SPHKAP: variants seen among roughly 807,000 people sequenced by gnomAD.
SPHKAP encodes the protein SPHK1 interactor, AKAP domain containing, also known as A-kinase anchor protein SPHKAP.
SPHKAP carries 67 observed loss-of-function variants against 137.5 expected under a neutral mutation model. The observed-to-expected ratio is 0.49, with a 90% CI of 0.40 to 0.60. The LOEUF is 0.60. Among genes scored for constraint, SPHKAP ranks in the 20% least tolerant of loss-of-function variants. The pLI, the probability that SPHKAP is intolerant of heterozygous loss-of-function variation, is 0.00. For missense variants in SPHKAP, 2,097 were observed against 2,069.3 expected, an observed-to-expected ratio of 1.01 and a Z score of -0.26; for synonymous variants, 813 against 785.3, an observed-to-expected ratio of 1.04 and a Z score of -0.59.
intron 3 of SPHKAP, among the ~76,000 whole-genome samples, chr2:228,106,044 A>G (rs1045631359): frequency 5.9e-5 from 9 of 152,116 alleles, no homozygotes; most frequent in Non-Finnish European, 1.2e-4. Context: ...GCTCTTCACT[A>G]AGACTTCTTA....
chr2:228,020,574 G>T (rs1310700828), intron 6 of SPHKAP, among the ~76,000 whole-genome samples: 2 of 152,098 alleles, frequency 1.3e-5, no homozygotes, highest in Non-Finnish European at 2.9e-5. Flanking sequence ...GTTGTTGGCG[G>T]GGGGAGTGGG....
chr2:228,058,404 A>T (rs573347801), intron 3 of SPHKAP, among the ~76,000 whole-genome samples: 6 of 152,296 alleles, frequency 3.9e-5, no homozygotes, highest in African/African-American at 1.2e-4. Context: ...TTGAATCCTC[A>T]TCACTTCCAG....
chr2:228,103,092 A>G, intron 3 of SPHKAP, among the ~76,000 whole-genome samples: 1 of 152,062 alleles, frequency 6.6e-6, no homozygotes, highest in East Asian at 1.9e-4. Context: ...TGTTTCTTCC[A>G]CACAACCTTC....
At chr2:228,025,274 A>G in intron 5 of SPHKAP, 120 bp downstream of exon 5, 6 of 1,098,432 alleles carry the variant, frequency 5.5e-6, no homozygotes, top group Non-Finnish European at 7.4e-6. Flanking sequence ...TCAAATATAA[A>G]GACACTTTGA....
At chr2:228,095,647 T>A (rs1416634722) in intron 3 of SPHKAP, among the ~76,000 whole-genome samples, 1 of 151,864 alleles carries the variant, frequency 6.6e-6, no homozygotes, top group African/African-American at 2.4e-5. Context: ...ACTTTTTAAT[T>A]TTTTTTTAAT....
chr2:228,013,677 G>A lies in SPHKAP; in HGVS notation c.4448+2729C>T, dbSNP rs571400506. Among the ~76,000 whole-genome samples the A allele has an allele frequency of 3.3e-5, 5 of 152,290 alleles. No individual in the cohort carries two copies. In the South Asian group the frequency reaches 1.0e-3, roughly 32 times the overall value. On this transcript the variant is annotated intron_variant, in intron 7 of 11. Transcript: ENST00000392056. The stretch of plus-strand genomic sequence containing the variant: ...CGAGGCCCTGAGTTGAGAGATTTAT[G>A]TGCATTTCCTTATTAAAACCTTAAA...
At chr2:227,988,783 G>A (rs1693305083) in intron 11 of SPHKAP, among the ~76,000 whole-genome samples, 1 of 152,180 alleles carries the variant, frequency 6.6e-6, no homozygotes, top group Admixed American at 6.5e-5. Flanking sequence ...TGGCATGGGG[G>A]TAGGGTCACA....
At chr2:228,021,140 T>C (rs1559352543) in intron 6 of SPHKAP, among the ~76,000 whole-genome samples, 1 of 152,238 alleles carries the variant, frequency 6.6e-6, no homozygotes, top group Non-Finnish European at 1.5e-5. Flanking sequence ...CATTGAGCTC[T>C]GTGAATGGGT....
intron 7 of SPHKAP, among the ~76,000 whole-genome samples, chr2:228,011,439 A>G: frequency 6.6e-6 from 1 of 152,250 alleles, no homozygotes. Flanking sequence ...CTCAAGGGCA[A>G]GCACAGAGTC....
chr2:228,164,731 G>A (rs1032896366), intron 1 of SPHKAP, among the ~76,000 whole-genome samples: 22 of 152,098 alleles, frequency 1.4e-4, no homozygotes, highest in African/African-American at 5.1e-4. Flanking sequence ...CTGTACTTCA[G>A]GCACACACCT....
intron 3 of SPHKAP, among the ~76,000 whole-genome samples, chr2:228,104,129 T>C (rs1698260061): frequency 6.7e-6 from 1 of 150,164 alleles, no homozygotes; most frequent in Non-Finnish European, 1.5e-5. Flanking sequence ...ACTAACAGCT[T>C]CTTGAAAACT....
intron 1 of SPHKAP, among the ~76,000 whole-genome samples, chr2:228,175,103 AT>A (rs1187582849): frequency 1.3e-5 from 2 of 152,052 alleles, no homozygotes; most frequent in African/African-American, 4.8e-5. Context: ...TGCAATTAAA[AT>A]TCTAGAAGGA....
chr2:228,167,980 T>C (rs1700469438), intron 1 of SPHKAP, among the ~76,000 whole-genome samples: 1 of 152,154 alleles, frequency 6.6e-6, no homozygotes, highest in South Asian at 2.1e-4. Context: ...TACACTGATA[T>C]ATATGCACAC....
Position 228,068,793 on chromosome 2 carries a change from G to A in SPHKAP, c.246+40039C>T, listed in dbSNP as rs1156750204. 2.0e-5 allele frequency among the ~76,000 whole-genome samples: 3 copies of A among 152,164 alleles called. No individual in the cohort carries two copies. In the East Asian group the frequency reaches 5.8e-4, roughly 29 times the overall value. On this transcript the variant is annotated intron_variant, in intron 3 of 11. Coordinates refer to ENST00000392056, the MANE Select transcript of SPHKAP (RefSeq NM_001142644.2). The stretch of plus-strand genomic sequence containing the variant: ...ATTATTTCTTTTGTTTTAGCTCCCA[G>A]ACTACAAAATTGAATCTCCATAGCA...
chr2:227,981,645 G>A lies in SPHKAP; in HGVS notation c.*72C>T, dbSNP rs143598734. ...ATGTGATGTTTTGAGAATGTTTAGAGCATTTAGAACAAACCACTGTAATCT... is the reference window on the plus strand; with the variant it reads ...ATGTGATGTTTTGAGAATGTTTAGAACATTTAGAACAAACCACTGTAATCT... On this transcript the variant is annotated 3_prime_UTR_variant, in exon 12 of 12. Coordinates refer to ENST00000392056, the MANE Select transcript of SPHKAP (RefSeq NM_001142644.2). 9.2e-6 allele frequency: 14 copies of A among 1,514,808 alleles called. No individual in the cohort carries two copies. The highest frequency in any genetic ancestry group is 1.2e-5 in the Non-Finnish European group (14 of 1,128,478). 93.8% of individuals were successfully genotyped at this position (1,514,808 alleles called of 1,614,324 possible).
At position 228,017,093 on chromosome 2, in the gene SPHKAP, G is replaced by A; in HGVS notation, c.3761C>T (p.Pro1254Leu). Residue 1254 changes from proline (P) to leucine (L), a missense_variant, in exon 7 of 12, where the codon CCC becomes CTC. Coordinates refer to ENST00000392056, the MANE Select transcript of SPHKAP (RefSeq NM_001142644.2). ...GCCATCTAAAGAGTTGGCTTTGATG[G>A]GCACATTCACTGTCAGCCTGGAGCA... ...SPCSRLTVNVPIKANSLDGFA... is the reference protein window; with the variant it reads ...SPCSRLTVNVLIKANSLDGFA... 1.2e-6 allele frequency: 2 copies of A among 1,614,102 alleles called. No homozygotes were observed. The highest frequency in any genetic ancestry group is 1.6e-4 in the Middle Eastern group (1 of 6,062).
rs765647945 is a variant in SPHKAP, at chr2:228,019,782, C to A, written c.1072G>T (p.Ala358Ser). 8.7e-6 allele frequency: 14 copies of A among 1,613,956 alleles called. No individual in the cohort carries two copies. Among genetic ancestry groups the A allele is most frequent in the Non-Finnish European group, 1.2e-5 (14 of 1,179,982 alleles). Residue 358 changes from alanine (A) to serine (S), a missense_variant, in exon 7 of 12, where the codon GCT (alanine) becomes TCT (serine). Coordinates refer to ENST00000392056, the MANE Select transcript of SPHKAP (RefSeq NM_001142644.2). ...MMDKDVPSACAVAEQRSNLNP... is the reference protein window; with the variant it reads ...MMDKDVPSACSVAEQRSNLNP... ...AGGTTGCTTCTCTGCTCTGCCACAG[C>A]ACATGCAGAAGGTACATCTTTATCC...
At chr2:228,071,282 C>T (rs1017962094) in intron 3 of SPHKAP, among the ~76,000 whole-genome samples, 7 of 152,276 alleles carry the variant, frequency 4.6e-5, no homozygotes, top group Non-Finnish European at 7.3e-5. Flanking sequence ...ACAAGTTTTC[C>T]CCCCAAATAG....
chr2:228,136,317 A>G (rs1487945976), intron 1 of SPHKAP, among the ~76,000 whole-genome samples: 2 of 152,216 alleles, frequency 1.3e-5, no homozygotes, highest in Admixed American at 6.5e-5. Context: ...GTGTGTTTCA[A>G]TGAGGATGTA....
Sources: gnomAD v4.1 joint callset for allele counts (sites outside exome capture counted in the v4.1 genomes callset) on GRCh38, gnomAD v4.1.1 for gene constraint, MANE v1.5 for transcripts, NCBI Gene and HGNC (gene_info 2026-07-23, HGNC 2026-07-21) for gene names.